The following CTNND2 variants were observed in gnomAD, a reference collection of about 807,000 sequenced individuals.
CTNND2 encodes the protein catenin delta 2, also known as catenin delta-2.
CTNND2 carries 22 observed loss-of-function variants against 144.4 expected under a neutral mutation model. The observed-to-expected ratio is 0.15, with a 90% CI of 0.11 to 0.22. The LOEUF (loss-of-function observed/expected upper bound fraction) is 0.22, where lower values mean the gene tolerates loss of function less well. Ranked by LOEUF, CTNND2 falls within the 10% of genes least tolerant of loss-of-function variation. CTNND2 has a pLI of 1.00. For missense variants in CTNND2, 1,353 were observed against 1,618.8 expected (o/e 0.84, Z 2.82); for synonymous variants, 751 against 695.6 (o/e 1.08, Z -1.25).
At chr5:11,758,618 A>C (rs976173510) in intron 1 of CTNND2, among the ~76,000 whole-genome samples, 2 of 152,022 alleles carry the variant, frequency 1.3e-5, no homozygotes, top group Non-Finnish European at 2.9e-5. Flanking sequence ...ATTTCAGAAA[A>C]GCTGTAATTT....
At chr5:11,710,078 A>G (rs1407452561) in intron 2 of CTNND2, among the ~76,000 whole-genome samples, 1 of 152,160 alleles carries the variant, frequency 6.6e-6, no homozygotes, top group Non-Finnish European at 1.5e-5. Context: ...GGGAGAGGTG[A>G]CCACAGATAA....
Position 11,716,142 on chromosome 5 carries a change from G to A in CTNND2, c.174+15994C>T, listed in dbSNP as rs141860609. ...ACTATTCACAGAGTGAGCAATTAGG[G>A]CTTGACAGCCACTCATAAGGGGTTT... On this transcript the variant is annotated intron_variant, in intron 2 of 21. Transcript: ENST00000304623. 8.6e-3 allele frequency among the ~76,000 whole-genome samples: 1,317 copies of A among 152,296 alleles called. 28 individuals are homozygous for A. Among genetic ancestry groups the A allele is most frequent in the Admixed American group, 0.045 (687 of 15,296 alleles).
intron 3 of CTNND2, among the ~76,000 whole-genome samples, chr5:11,508,910 CAA>C (rs767354627): frequency 8.3e-6 from 1 of 121,132 alleles, no homozygotes. Flanking sequence ...GACTCGTTTT[CAA>C]AAAAAAAAAA....
chr5:11,513,211 CT>C (rs1771824018), intron 3 of CTNND2, among the ~76,000 whole-genome samples: 1 of 152,148 alleles, frequency 6.6e-6, no homozygotes, highest in Non-Finnish European at 1.5e-5. Flanking sequence ...CAATGCATCC[CT>C]TCCATGAGCT....
chr5:11,649,038 T>C (rs1192001524), intron 2 of CTNND2, among the ~76,000 whole-genome samples: 2 of 152,244 alleles, frequency 1.3e-5, no homozygotes, highest in South Asian at 2.1e-4. Flanking sequence ...TATGTAATTA[T>C]TCCTATAGTA....
intron 2 of CTNND2, among the ~76,000 whole-genome samples, chr5:11,654,025 C>T (rs191668109): frequency 2.6e-5 from 4 of 151,962 alleles, no homozygotes; most frequent in Admixed American, 6.6e-5. Context: ...GGTCTTGATG[C>T]CTTTGTCAAA....
At chr5:11,077,159 A>G (rs1749032593) in intron 16 of CTNND2, among the ~76,000 whole-genome samples, 1 of 152,218 alleles carries the variant, frequency 6.6e-6, no homozygotes, top group Admixed American at 6.5e-5. Flanking sequence ...TCCCTACTAC[A>G]GATTGGGCAT....
rs952553580 is a variant in CTNND2 at position 11,805,652 on chromosome 5, A to G, written c.38-73380T>C. Reference sequence around the variant, plus strand: ...TATGCTAGCATTGGATCATAACATAAAGTATAAAATAAATATCCATGTGTC... The same window carrying G: ...TATGCTAGCATTGGATCATAACATAGAGTATAAAATAAATATCCATGTGTC... On this transcript the variant is annotated intron_variant, in intron 1 of 21. Transcript: ENST00000304623. Among the ~76,000 whole-genome samples the G allele has an allele frequency of 3.3e-5, 5 of 152,126 alleles. No individual in the cohort carries two copies. In the South Asian group the frequency reaches 1.0e-3, roughly 31 times the overall value.
At chr5:11,702,889 A>G (rs1470187197) in intron 2 of CTNND2, among the ~76,000 whole-genome samples, 2 of 152,342 alleles carry the variant, frequency 1.3e-5, no homozygotes, top group African/African-American at 4.8e-5. Context: ...CAAAGAGCCA[A>G]GCTCTCTACT....
chr5:11,109,766 T>A (rs1752771438), intron 14 of CTNND2, among the ~76,000 whole-genome samples: 1 of 152,214 alleles, frequency 6.6e-6, no homozygotes, highest in African/African-American at 2.4e-5. Context: ...AATGTAATTT[T>A]CATTGTAGAA....
chr5:11,372,173 T>C (rs1273217769), intron 7 of CTNND2, among the ~76,000 whole-genome samples: 3 of 152,332 alleles, frequency 2.0e-5, no homozygotes, highest in South Asian at 4.1e-4. Context: ...TGTAAACTAT[T>C]GGGACTCAAA....
chr5:11,101,352 A>T (rs1257177046), intron 14 of CTNND2, among the ~76,000 whole-genome samples: 1 of 152,206 alleles, frequency 6.6e-6, no homozygotes, highest in African/African-American at 2.4e-5. Context: ...CTAGCTCATC[A>T]ACATCAACAA....
intron 14 of CTNND2, among the ~76,000 whole-genome samples, chr5:11,104,378 G>A (rs1381005657): frequency 6.6e-6 from 1 of 152,180 alleles, no homozygotes; most frequent in Non-Finnish European, 1.5e-5. Context: ...GTCAGAGAAT[G>A]TTCTCTCAAG....
Position 11,876,323 on chromosome 5 carries a change from G to T in CTNND2, c.37+27494C>A, listed in dbSNP as rs371141277. ...GGAGAGGCGAGAGGGGAGGAGAAGAGAAGAGAGGAGAAGAGAAAAGAAAAG... is the reference window on the plus strand; with the variant it reads ...GGAGAGGCGAGAGGGGAGGAGAAGATAAGAGAGGAGAAGAGAAAAGAAAAG... On this transcript the variant is annotated intron_variant, in intron 1 of 21. Transcript: ENST00000304623. Among the ~76,000 whole-genome samples the T allele has an allele frequency of 1.3e-4, 20 of 151,512 alleles. No homozygotes were observed. In the East Asian group the frequency reaches 3.3e-3, roughly 25 times the overall value.
chr5:11,306,882 A>G (rs1229716362), intron 9 of CTNND2, among the ~76,000 whole-genome samples: 1 of 152,296 alleles, frequency 6.6e-6, no homozygotes, highest in East Asian at 1.9e-4. Context: ...TTCTGCCTCA[A>G]AACAGAGGAC....
At chr5:11,646,748 C>T (rs1782379721) in intron 2 of CTNND2, among the ~76,000 whole-genome samples, 2 of 152,240 alleles carry the variant, frequency 1.3e-5, no homozygotes, top group Admixed American at 1.3e-4. Flanking sequence ...AGACCCTGTT[C>T]TTCCTGATCA....
At chr5:11,051,899 G>A (rs1171514960) in intron 16 of CTNND2, among the ~76,000 whole-genome samples, 1 of 152,102 alleles carries the variant, frequency 6.6e-6, no homozygotes, top group Non-Finnish European at 1.5e-5. Flanking sequence ...TTTGTTTATT[G>A]CTTCTTCACT....
chr5:11,532,535 A>T (rs1773837945), intron 3 of CTNND2, among the ~76,000 whole-genome samples: 1 of 152,216 alleles, frequency 6.6e-6, no homozygotes, highest in Non-Finnish European at 1.5e-5. Context: ...GCAACTGTTT[A>T]TTGAGCTATT....
At chr5:11,058,825 C>T (rs1746617050) in intron 16 of CTNND2, among the ~76,000 whole-genome samples, 1 of 152,210 alleles carries the variant, frequency 6.6e-6, no homozygotes, top group African/African-American at 2.4e-5. Context: ...ACCTACCTCT[C>T]ACATCAGGAT....
Sources: allele counts gnomAD v4.1 joint callset (sites outside exome capture counted in the v4.1 genomes callset), GRCh38; gene constraint gnomAD v4.1.1; transcripts MANE v1.5; gene names NCBI Gene and HGNC (gene_info 2026-07-23, HGNC 2026-07-21).